AOPEP: variants seen among roughly 807,000 people sequenced by gnomAD.
AOPEP encodes the protein aminopeptidase O (putative).
Under a neutral mutation model 98.1 loss-of-function variants are expected in AOPEP, and 77 were observed. The ratio of observed to expected loss-of-function variants is 0.78; its 90% CI spans 0.65 to 0.95. AOPEP has a LOEUF of 0.95. AOPEP is among the 40% of genes least tolerant of loss of function. The probability of loss-of-function intolerance (pLI) is 0.00; values close to 1 mark genes in which losing one functional copy is unlikely to be tolerated. For missense variants in AOPEP, 1,024 were observed against 1,024.7 expected, an observed-to-expected ratio of 1.00 and a Z score of 0.01; for synonymous variants, 346 against 365.3, an observed-to-expected ratio of 0.95 and a Z score of 0.60.
At chr9:95,075,932 C>T (rs942316948) in intron 14 of AOPEP, among the ~76,000 whole-genome samples, 2 of 152,182 alleles carry the variant, frequency 1.3e-5, no homozygotes, top group African/African-American at 4.8e-5. Context: ...GCCTAAGCTG[C>T]CCCGATGGGG....
intron 6 of AOPEP, among the ~76,000 whole-genome samples, chr9:94,926,579 G>T (rs988097227): frequency 2.0e-5 from 3 of 152,220 alleles, no homozygotes; most frequent in Non-Finnish European, 1.5e-5. Flanking sequence ...GCGAGACTGG[G>T]CTGTTGCTGG....
intron 5 of AOPEP, among the ~76,000 whole-genome samples, chr9:94,866,251 G>T (rs2045697426): frequency 1.3e-5 from 2 of 152,320 alleles, no homozygotes; most frequent in South Asian, 4.1e-4. Flanking sequence ...ATTTAAATAA[G>T]CTCACCAGCG....
rs1190545331 is a variant in AOPEP at position 95,069,158 on chromosome 9, A to G, written c.2232+8348A>G. Among the ~76,000 whole-genome samples, 10 of 152,204 alleles carry G rather than the reference A, an allele frequency of 6.6e-5. No individual in the cohort carries two copies. In the South Asian group the frequency reaches 8.3e-4, roughly 13 times the overall value. On this transcript the variant is annotated intron_variant, in intron 14 of 16. Coordinates refer to ENST00000375315, the MANE Select transcript of AOPEP (RefSeq NM_001193329.3). ...GTCACCATTTTATCCTCAATGCCCAATCGACTTACTTGCTGGAGAATGATG... is the reference window on the plus strand; with the variant it reads ...GTCACCATTTTATCCTCAATGCCCAGTCGACTTACTTGCTGGAGAATGATG...
chr9:94,807,582 T>C (rs1443073532), intron 5 of AOPEP, among the ~76,000 whole-genome samples: 1 of 152,168 alleles, frequency 6.6e-6, no homozygotes, highest in Non-Finnish European at 1.5e-5. Flanking sequence ...AAGAAAAGGC[T>C]TTTTCCCCCG....
At position 94,980,612 on chromosome 9, in the gene AOPEP, A is replaced by C. The variant is rs1409528245; in HGVS notation, c.1977+1185A>C. Among the ~76,000 whole-genome samples, 1 of 152,242 alleles carries C rather than the reference A, an allele frequency of 6.6e-6. No homozygotes were observed. Among genetic ancestry groups the C allele is most frequent in the African/African-American group, 2.4e-5 (1 of 41,470 alleles). The stretch of plus-strand genomic sequence containing the variant: ...TCCTAAAAAAGGACAGTTTGCCTTC[A>C]GTTCAGGAATGTGTGTCACCTGTTA... On this transcript the variant is annotated intron_variant, in intron 11 of 16. Coordinates refer to ENST00000375315, the MANE Select transcript of AOPEP (RefSeq NM_001193329.3). This position sits in a 1 kb window ranked among gnomAD's most constrained non-coding sequence, Gnocchi z 4.3.
At chr9:94,802,512 C>T (rs1357255917) in intron 5 of AOPEP, among the ~76,000 whole-genome samples, 1 of 152,058 alleles carries the variant, frequency 6.6e-6, no homozygotes, top group African/African-American at 2.4e-5. Flanking sequence ...GTTTGCATGC[C>T]CAAGCAGGTA....
chr9:95,000,820 G>A lies in AOPEP; in HGVS notation c.1978-4338G>A, dbSNP rs116486705. ...TCCAACCTTGATTTTATTTCTAGAC[G>A]TGTGTAGATTCCTACTTTTAAATTC... On this transcript the variant is annotated intron_variant, in intron 11 of 16. Transcript: ENST00000375315. Among the ~76,000 whole-genome samples, 672 of 152,238 alleles carry A rather than the reference G, an allele frequency of 4.4e-3. 5 individuals carry two copies. Among genetic ancestry groups the A allele is most frequent in the African/African-American group, 0.015 (635 of 41,550 alleles).
At chr9:95,144,936 C>T in the AOPEP span, among the ~76,000 whole-genome samples, 21 of 152,096 alleles carry the variant, frequency 1.4e-4, no homozygotes, top group Non-Finnish European at 2.5e-4. Flanking sequence ...AAGCTCACTC[C>T]ACTTACTGGG....
intron 5 of AOPEP, among the ~76,000 whole-genome samples, chr9:94,882,916 T>A (rs72748540): frequency 0.021 from 3,268 of 152,334 alleles, 87 homozygotes; most frequent in African/African-American, 0.057. Context: ...TACGGATAAA[T>A]TTAGCTGGAG....
chr9:94,839,042 G>T (rs1218366173), intron 5 of AOPEP, among the ~76,000 whole-genome samples: 2 of 148,802 alleles, frequency 1.3e-5, no homozygotes, highest in Non-Finnish European at 3.0e-5. Flanking sequence ...TCCCGAGTAG[G>T]TGGGACTACA....
chr9:95,104,566 A>G, the AOPEP span, among the ~76,000 whole-genome samples: 3,364 of 152,244 alleles, frequency 0.022, 122 homozygotes, highest in African/African-American at 0.077. Context: ...ACTCCCAGCA[A>G]TGTCTCTGGG....
the AOPEP span, among the ~76,000 whole-genome samples, chr9:95,092,328 A>G: frequency 3.9e-5 from 6 of 152,106 alleles, no homozygotes; most frequent in African/African-American, 1.4e-4. Flanking sequence ...GGGCCCACCC[A>G]GCATCTGGCT....
At chr9:94,987,104 C>T (rs1244159504) in intron 11 of AOPEP, among the ~76,000 whole-genome samples, 1 of 152,226 alleles carries the variant, frequency 6.6e-6, no homozygotes, top group Non-Finnish European at 1.5e-5. Flanking sequence ...AGATCCCACA[C>T]ATAGGTTCTT....
At chr9:94,905,492 A>C (rs2136314761) in intron 5 of AOPEP, among the ~76,000 whole-genome samples, 1 of 152,324 alleles carries the variant, frequency 6.6e-6, no homozygotes, top group South Asian at 2.1e-4. Context: ...AAGGACTAAA[A>C]TTTTGATTTC....
intron 11 of AOPEP, among the ~76,000 whole-genome samples, chr9:94,993,380 C>T (rs1455486405): frequency 5.3e-5 from 8 of 151,878 alleles, no homozygotes; most frequent in East Asian, 1.9e-4. Context: ...AAGAGCACTT[C>T]GTGTTTTATG....
intron 11 of AOPEP, among the ~76,000 whole-genome samples, chr9:95,002,093 C>A (rs1225547373): frequency 6.6e-6 from 1 of 152,028 alleles, no homozygotes; most frequent in Non-Finnish European, 1.5e-5. Context: ...TATAAAGTTA[C>A]CCTGGCAATA....
the AOPEP span, chr9:95,117,410 C>T: frequency 6.2e-7 from 1 of 1,607,616 alleles, no homozygotes. Flanking sequence ...GATGGAAAAT[C>T]CAAAGAGCAT....
At chr9:95,029,984 G>C (rs2064157813) in intron 13 of AOPEP, among the ~76,000 whole-genome samples, 1 of 152,140 alleles carries the variant, frequency 6.6e-6, no homozygotes. Flanking sequence ...TATGATTCTG[G>C]TCTCTGCATA....
chr9:94,729,186 T>G (rs965601964), intron 1 of AOPEP, among the ~76,000 whole-genome samples: 1 of 152,144 alleles, frequency 6.6e-6, no homozygotes, highest in African/African-American at 2.4e-5. Context: ...AGGTTTGGTT[T>G]TATAAAAGTT....
Sources: gnomAD v4.1 joint callset for allele counts (sites outside exome capture counted in the v4.1 genomes callset) on GRCh38, gnomAD v4.1.1 for gene constraint, Gnocchi (gnomAD v3.1) non-coding constraint, MANE v1.5 for transcripts, NCBI Gene and HGNC (gene_info 2026-07-23, HGNC 2026-07-21) for gene names.